Variants in PTPN4 observed in about 807,000 individuals in gnomAD.
The protein encoded by PTPN4 is tyrosine-protein phosphatase non-receptor type 4.
In PTPN4, 49 loss-of-function variants were observed where a neutral mutation model predicts 135.5. That is an observed-to-expected ratio of 0.36 (90% CI 0.29 to 0.46). The LOEUF (loss-of-function observed/expected upper bound fraction) is 0.46, where lower values mean the gene tolerates loss of function less well. Among genes scored for constraint, PTPN4 ranks in the 20% least tolerant of loss-of-function variants. The pLI, the probability that PTPN4 is intolerant of heterozygous loss-of-function variation, is 1.00. For missense variants in PTPN4, 860 were observed against 1,101.0 expected (o/e 0.78, Z 3.10); for synonymous variants, 333 against 369.9 (o/e 0.90, Z 1.14).
chr2:119,948,627 T>TATTAATTACAGTATGGTTTCTA (rs1679169198), intron 18 of PTPN4, among the ~76,000 whole-genome samples: 1 of 152,142 alleles, frequency 6.6e-6, no homozygotes, highest in African/African-American at 2.4e-5. Flanking sequence ...AATACAAGGA[T>TATTAATTACAGTATGGTTTCTA]ATTAATTACA....
Position 119,948,858 on chromosome 2 carries a change from G to A in PTPN4, c.1656+2284G>A, listed in dbSNP as rs1296256878. Among the ~76,000 whole-genome samples, 7 of 152,098 alleles carry A rather than the reference G, an allele frequency of 4.6e-5. No individual in the cohort carries two copies. The South Asian group carries it at 6.2e-4, about 14-fold the overall frequency. On this transcript the variant is annotated intron_variant, in intron 18 of 26. Coordinates refer to ENST00000263708, the MANE Select transcript of PTPN4 (RefSeq NM_002830.4). ...AGATACATAGAAAAATTCTGGAAAC[G>A]TGCTAAAAAAGTTAACAGTGGGTAA...
intron 15 of PTPN4, among the ~76,000 whole-genome samples, chr2:119,935,815 A>T (rs1358464400): frequency 6.6e-6 from 1 of 152,206 alleles, no homozygotes; most frequent in Non-Finnish European, 1.5e-5. Context: ...CATGATTGAA[A>T]TATTGATTTG....
Position 119,845,295 on chromosome 2 carries a change from A to G in PTPN4, c.139-17241A>G, listed in dbSNP as rs201811404. Among the ~76,000 whole-genome samples the G allele has an allele frequency of 5.6e-3, 779 of 139,534 alleles. 3 individuals are homozygous for G. Among genetic ancestry groups the G allele is most frequent in the African/African-American group, 8.6e-3 (326 of 38,018 alleles). 91.5% of individuals were successfully genotyped at this position (139,534 alleles called of 152,430 possible). ...GAGAGGGAGAGGGAGAGGGAGAGGG[A>G]GAGGGCATTTTTCTTTAAATGTAAT... On this transcript the variant is annotated intron_variant, in intron 2 of 26. Coordinates refer to ENST00000263708, the MANE Select transcript of PTPN4 (RefSeq NM_002830.4).
intron 9 of PTPN4, among the ~76,000 whole-genome samples, chr2:119,891,134 C>T (rs927103751): frequency 2.0e-5 from 3 of 152,122 alleles, no homozygotes; most frequent in Admixed American, 6.5e-5. Flanking sequence ...TATCTTGCCT[C>T]AAATTTCAGG....
intron 7 of PTPN4, 91 bp downstream of exon 7, chr2:119,882,240 T>C (rs1678091312): frequency 7.8e-7 from 1 of 1,278,048 alleles, no homozygotes; most frequent in Non-Finnish European, 1.1e-6. Flanking sequence ...TCTTTAGAAA[T>C]GTTGCTATAT....
intron 5 of PTPN4, among the ~76,000 whole-genome samples, chr2:119,881,293 G>A (rs983531615): frequency 2.0e-4 from 30 of 152,208 alleles, no homozygotes; most frequent in Middle Eastern, 3.2e-3. Context: ...AAGTGTATAG[G>A]TGCTTTTCTG....
chr2:119,789,693 A>G (rs1019507574), intron 1 of PTPN4, among the ~76,000 whole-genome samples: 2 of 151,680 alleles, frequency 1.3e-5, no homozygotes, highest in African/African-American at 4.8e-5. Flanking sequence ...CTTTCTTGTA[A>G]ATTTTCCTAA....
intron 8 of PTPN4, among the ~76,000 whole-genome samples, chr2:119,885,035 T>G (rs1345847422): frequency 4.6e-5 from 7 of 152,216 alleles, no homozygotes; most frequent in African/African-American, 1.7e-4. Context: ...AACTTGTGTT[T>G]ATAAGAATCA....
At chr2:119,877,686 A>G in intron 5 of PTPN4, 144 bp downstream of exon 5, 12 of 1,187,240 alleles carry the variant, frequency 1.0e-5, no homozygotes, top group Non-Finnish European at 1.4e-5. Flanking sequence ...CTATTCCAAG[A>G]TAACGTTTTC....
chr2:119,783,958 C>T (rs1413049917), intron 1 of PTPN4, among the ~76,000 whole-genome samples: 3 of 152,156 alleles, frequency 2.0e-5, no homozygotes, highest in Admixed American at 6.6e-5. Context: ...GGATCCACTT[C>T]GCAGATTGCT....
intron 2 of PTPN4, among the ~76,000 whole-genome samples, chr2:119,851,832 A>C (rs1224785465): frequency 1.3e-5 from 2 of 152,214 alleles, no homozygotes; most frequent in African/African-American, 2.4e-5. Flanking sequence ...TAGAGAGGCA[A>C]TGCAATAATT....
chr2:119,847,200 T>C (rs1677512862), intron 2 of PTPN4, among the ~76,000 whole-genome samples: 1 of 147,466 alleles, frequency 6.8e-6, no homozygotes, highest in African/African-American at 2.5e-5. Flanking sequence ...ATATAGAGTA[T>C]ATATATACAC....
intron 15 of PTPN4, among the ~76,000 whole-genome samples, chr2:119,941,944 A>G (rs1574414520): frequency 6.6e-6 from 1 of 152,316 alleles, no homozygotes; most frequent in African/African-American, 2.4e-5. Flanking sequence ...ACTTGGCTTT[A>G]TACAGTGTTT....
At chr2:119,963,177 T>A (rs1042364124) in intron 24 of PTPN4, among the ~76,000 whole-genome samples, 5 of 152,182 alleles carry the variant, frequency 3.3e-5, no homozygotes, top group Admixed American at 1.3e-4. Flanking sequence ...AACTTCACAG[T>A]CCCCTACCTA....
chr2:119,925,238 A>G (rs1678804747), intron 12 of PTPN4, among the ~76,000 whole-genome samples: 1 of 152,120 alleles, frequency 6.6e-6, no homozygotes, highest in Non-Finnish European at 1.5e-5. Flanking sequence ...GCCTTTCTCC[A>G]CTTTCTGATC....
In PTPN4 at chr2:119,934,828, A is replaced by C; in HGVS notation, c.1225A>C (p.Thr409Pro). 6.2e-7 allele frequency: 1 copy of C among 1,613,988 alleles called. No individual in the cohort carries two copies. The highest frequency in any genetic ancestry group is 1.3e-5 in the African/African-American group (1 of 75,030). Reference sequence around the variant, plus strand: ...AAATTCTACATTCACGCAGGAAGGAACCCGGTTACGACCATCTTCAGTTGG... The same window carrying C: ...AAATTCTACATTCACGCAGGAAGGACCCCGGTTACGACCATCTTCAGTTGG... ...HRNSTFTQEG[T>P]RLRPSSVGHL... Residue 409 changes from threonine (T) to proline (P), a missense_variant, in exon 15 of 27, where the codon ACC (threonine) becomes CCC (proline). Physicochemically the swap from Thr to Pro is conservative, Grantham distance 38. This residue lies in a region of PTPN4 where 684 missense variants were observed against 807.0 expected (regional missense o/e 0.85). Coordinates refer to ENST00000263708, the MANE Select transcript of PTPN4 (RefSeq NM_002830.4).
At chr2:119,967,379 G>A (rs1018441523) in intron 25 of PTPN4, among the ~76,000 whole-genome samples, 1 of 149,698 alleles carries the variant, frequency 6.7e-6, no homozygotes, top group Non-Finnish European at 1.5e-5. Context: ...AGCCCAGGAA[G>A]TAGAGGTTGC....
intron 2 of PTPN4, among the ~76,000 whole-genome samples, chr2:119,840,265 C>T (rs1677360082): frequency 6.6e-6 from 1 of 152,192 alleles, no homozygotes; most frequent in Admixed American, 6.5e-5. Context: ...TTCCTCCCAC[C>T]TCCCACCCTC....
chr2:119,803,561 A>T (rs1480097612), intron 1 of PTPN4, among the ~76,000 whole-genome samples: 1 of 152,174 alleles, frequency 6.6e-6, no homozygotes, highest in Admixed American at 6.5e-5. Context: ...TTAAATATTT[A>T]GATTTGTTTC....
Sources: gnomAD v4.1 joint callset for allele counts (sites outside exome capture counted in the v4.1 genomes callset) on GRCh38, gnomAD v4.1.1 for gene constraint, gnomAD v4.1.1 regional missense constraint, MANE v1.5 for transcripts, NCBI Gene and HGNC (gene_info 2026-07-23, HGNC 2026-07-21) for gene names.